Variants in CD86 observed in about 807,000 individuals in gnomAD.
The protein encoded by CD86 is CD86 molecule, also known as T-lymphocyte activation antigen CD86.
CD86 carries 11 observed loss-of-function variants against 32.1 expected under a neutral mutation model. The ratio of observed to expected loss-of-function variants is 0.34; its 90% CI spans 0.22 to 0.57. CD86 has a LOEUF of 0.57. Ranked by LOEUF, CD86 falls within the 20% of genes least tolerant of loss-of-function variation. CD86 has a pLI of 0.86. For missense variants in CD86, 359 were observed against 398.4 expected (o/e 0.90, Z 0.84); for synonymous variants, 137 against 135.3 (o/e 1.01, Z -0.09).
intron 2 of CD86, among the ~76,000 whole-genome samples, chr3:122,103,047 G>C (rs1324981931): frequency 1.3e-5 from 2 of 152,118 alleles, no homozygotes; most frequent in Admixed American, 6.6e-5. Context: ...GGAATATGTG[G>C]ATGGGAGGGG....
intron 1 of CD86, among the ~76,000 whole-genome samples, chr3:122,083,224 T>C (rs1039812257): frequency 6.6e-6 from 1 of 152,220 alleles, no homozygotes; most frequent in African/African-American, 2.4e-5. Flanking sequence ...CTTTTCAAAA[T>C]GCAAATCTGA....
intron 1 of CD86, among the ~76,000 whole-genome samples, chr3:122,069,040 C>G (rs1234258468): frequency 6.6e-6 from 1 of 152,202 alleles, no homozygotes; most frequent in East Asian, 1.9e-4. Flanking sequence ...GAATCTACCT[C>G]ATGCTCTTAA....
intron 1 of CD86, among the ~76,000 whole-genome samples, chr3:122,085,984 C>T (rs1256252587): frequency 2.0e-5 from 3 of 152,146 alleles, no homozygotes; most frequent in African/African-American, 4.8e-5. Flanking sequence ...TGTGGTGTCC[C>T]CTGCTTTGCT....
chr3:122,101,495 G>GAAA lies in CD86; in HGVS notation c.65-2000_65-1998dup, dbSNP rs72402574. On this transcript the variant is annotated intron_variant, in intron 2 of 6. Transcript: ENST00000330540. Reference sequence around the variant, plus strand: ...AAAGAAGATACTGTGAGGCTCTACAGAAAAAAAAAAAAAAAAAAATATATA... The same window carrying GAAA: ...AAAGAAGATACTGTGAGGCTCTACAGAAAAAAAAAAAAAAAAAAAAAATATATA... Among the ~76,000 whole-genome samples the GAAA allele has an allele frequency of 3.0e-3, 162 of 53,262 alleles. 1 individual carries two copies. Among genetic ancestry groups the GAAA allele is most frequent in the African/African-American group, 8.6e-3 (131 of 15,320 alleles). The allele number at this position is 53,262 out of a possible 152,430, so 34.9% of individuals were successfully genotyped here.
rs2073319793 is a variant in CD86 at position 122,120,085 on chromosome 3, ACCCCTG to A, written c.*553_*558del. The A allele has an allele frequency of 6.6e-6, 1 of 152,528 alleles. No homozygotes were observed. The highest frequency in any genetic ancestry group is 1.5e-5 in the Non-Finnish European group (1 of 68,368). The allele number at this position is 152,528 out of a possible 1,614,324, so 9.4% of individuals were successfully genotyped here. On this transcript the variant is annotated 3_prime_UTR_variant, in exon 7 of 7. Transcript: ENST00000330540. Reference sequence around the variant, plus strand: ...ATTACTATGCTCTAGAGAAAAGTCTACCCCTGCTAAGGAGTTCTCATCCCTCTGTCA... The same window carrying A: ...ATTACTATGCTCTAGAGAAAAGTCTACTAAGGAGTTCTCATCCCTCTGTCA...
intron 1 of CD86, among the ~76,000 whole-genome samples, chr3:122,064,752 T>C (rs903887991): frequency 6.6e-6 from 1 of 152,230 alleles, no homozygotes; most frequent in African/African-American, 2.4e-5. Flanking sequence ...CTGACCTCTG[T>C]TAATGCATCA....
At chr3:122,074,660 A>G (rs1312707809) in intron 1 of CD86, among the ~76,000 whole-genome samples, 1 of 152,144 alleles carries the variant, frequency 6.6e-6, no homozygotes, top group East Asian at 1.9e-4. Context: ...GCTCTGGCAC[A>G]TGGAGTAGAT....
chr3:122,093,857 C>A (rs185593880), intron 2 of CD86, among the ~76,000 whole-genome samples: 31 of 152,282 alleles, frequency 2.0e-4, no homozygotes, highest in Admixed American at 1.7e-3. Context: ...GTAATTTACC[C>A]AAGATCGACA....
At chr3:122,061,947 C>T (rs1397347145) in intron 1 of CD86, among the ~76,000 whole-genome samples, 1 of 152,160 alleles carries the variant, frequency 6.6e-6, no homozygotes, top group Non-Finnish European at 1.5e-5. Context: ...AAAAGTCCCT[C>T]AGTGGGTGAA....
chr3:122,059,717 T>C (rs1033347494), intron 1 of CD86, among the ~76,000 whole-genome samples: 5 of 152,128 alleles, frequency 3.3e-5, no homozygotes, highest in Non-Finnish European at 5.9e-5. Context: ...AATTCATATG[T>C]TGAAATCCTA....
At position 122,121,023 on chromosome 3, in the gene CD86, A is replaced by T. The variant is rs1442644834; in HGVS notation, c.*1489A>T. Reference sequence around the variant, plus strand: ...ACTGCCATGCTAGACAAGCTTGTCCATGTAATATTCCCATGTTTTTACCCT... The same window carrying T: ...ACTGCCATGCTAGACAAGCTTGTCCTTGTAATATTCCCATGTTTTTACCCT... On this transcript the variant is annotated 3_prime_UTR_variant, in exon 7 of 7. Coordinates refer to ENST00000330540, the MANE Select transcript of CD86 (RefSeq NM_175862.5). 1 of 152,250 alleles carries T rather than the reference A, an allele frequency of 6.6e-6. No individual in the cohort carries two copies. Among genetic ancestry groups the T allele is most frequent in the African/African-American group, 2.4e-5 (1 of 41,472 alleles). 9.4% of individuals were successfully genotyped at this position (152,250 alleles called of 1,614,324 possible).
chr3:122,106,935 T>G (rs13090719), intron 4 of CD86, among the ~76,000 whole-genome samples: 11,503 of 151,776 alleles, frequency 0.076, 568 homozygotes, highest in Non-Finnish European at 0.11. Flanking sequence ...GGGACATTAT[T>G]GGTCACAGGA....
intron 5 of CD86, among the ~76,000 whole-genome samples, chr3:122,116,993 A>C (rs1399883297): frequency 6.6e-6 from 1 of 152,158 alleles, no homozygotes; most frequent in African/African-American, 2.4e-5. Flanking sequence ...CCAAACTCTA[A>C]ACTGAAAATG....
intron 5 of CD86, among the ~76,000 whole-genome samples, chr3:122,117,757 A>G (rs2073276520): frequency 6.6e-6 from 1 of 152,144 alleles, no homozygotes; most frequent in Non-Finnish European, 1.5e-5. Flanking sequence ...TAAATATATT[A>G]CCCCTCCCAA....
At chr3:122,097,661 A>G (rs1463339474) in intron 2 of CD86, among the ~76,000 whole-genome samples, 3 of 152,170 alleles carry the variant, frequency 2.0e-5, no homozygotes. Flanking sequence ...AGAATTCATG[A>G]GGAAAATGAG....
In CD86 at chr3:122,085,948, C is replaced by T. The variant is rs139625713; in HGVS notation, c.15-5653C>T. On this transcript the variant is annotated intron_variant, in intron 1 of 6. Coordinates refer to ENST00000330540, the MANE Select transcript of CD86 (RefSeq NM_175862.5). ...GCCCTGAGTGCTGCTGGGCTGAGGC[C>T]GACCTAATCCTTCCTCCACAGAGAC... Among the ~76,000 whole-genome samples, 10 of 152,284 alleles carry T rather than the reference C, an allele frequency of 6.6e-5. No individual in the cohort carries two copies. In the South Asian group the frequency reaches 1.0e-3, roughly 16 times the overall value.
intron 2 of CD86, among the ~76,000 whole-genome samples, chr3:122,093,228 C>T (rs1425951158): frequency 6.6e-6 from 1 of 152,160 alleles, no homozygotes; most frequent in Non-Finnish European, 1.5e-5. Flanking sequence ...ACAGTCACAG[C>T]TCACTGTGGC....
intron 2 of CD86, among the ~76,000 whole-genome samples, chr3:122,096,545 CAAGT>C (rs930434065): frequency 1.3e-5 from 2 of 152,034 alleles, no homozygotes; most frequent in African/African-American, 4.8e-5. Flanking sequence ...AAAACAAAAA[CAAGT>C]AAATCAATTA....
At chr3:122,115,501 A>T (rs1160864961) in intron 5 of CD86, among the ~76,000 whole-genome samples, 4 of 152,130 alleles carry the variant, frequency 2.6e-5, no homozygotes, top group Non-Finnish European at 5.9e-5. Context: ...GATACTAAAA[A>T]TCTTACTCGA....
Sources: gnomAD v4.1 joint callset for allele counts (sites outside exome capture counted in the v4.1 genomes callset) on GRCh38, gnomAD v4.1.1 for gene constraint, MANE v1.5 for transcripts, NCBI Gene and HGNC (gene_info 2026-07-23, HGNC 2026-07-21) for gene names.